Variants in CADM2 observed in about 807,000 individuals in gnomAD.
The protein encoded by CADM2 is immunoglobulin superfamily member 4D.
In CADM2, 12 loss-of-function variants were observed where a neutral mutation model predicts 49.8. The observed-to-expected ratio is 0.24, with a 90% CI of 0.15 to 0.39. CADM2 has a LOEUF of 0.39. Among genes scored for constraint, CADM2 ranks in the 10% least tolerant of loss-of-function variants. CADM2 has a pLI of 1.00. For synonymous variants in CADM2, 214 were observed against 175.4 expected (o/e 1.22, Z -1.74); for missense variants, 378 against 492.3 (o/e 0.77, Z 2.20).
At chr3:85,463,443 T>A (rs1425692888) in intron 1 of CADM2, among the ~76,000 whole-genome samples, 1 of 152,172 alleles carries the variant, frequency 6.6e-6, no homozygotes, top group East Asian at 1.9e-4. Flanking sequence ...TTTTGGTGAT[T>A]CTTGATCAGG....
intron 8 of CADM2, among the ~76,000 whole-genome samples, chr3:86,061,088 C>T (rs1738583522): frequency 6.6e-6 from 1 of 151,870 alleles, no homozygotes; most frequent in South Asian, 2.1e-4. Flanking sequence ...CAGAAAATAA[C>T]ATTAATGCAA....
chr3:85,359,569 A>G (rs2032154921), intron 1 of CADM2, among the ~76,000 whole-genome samples: 1 of 144,926 alleles, frequency 6.9e-6, no homozygotes, highest in Non-Finnish European at 1.5e-5. Context: ...TTCATAACAA[A>G]GCACTCTTTC....
intron 3 of CADM2, among the ~76,000 whole-genome samples, chr3:85,810,576 G>A (rs866843963): frequency 1.8e-4 from 21 of 116,968 alleles, no homozygotes; most frequent in African/African-American, 5.7e-4. Flanking sequence ...GTCTCACTTC[G>A]TCACCCAGGC....
At chr3:86,018,950 C>T (rs1445404935) in intron 8 of CADM2, among the ~76,000 whole-genome samples, 1 of 145,622 alleles carries the variant, frequency 6.9e-6, no homozygotes, top group Middle Eastern at 3.5e-3. Flanking sequence ...GAAGTCCTTG[C>T]CCATGCCTAT....
chr3:85,709,163 A>C (rs1460560288), intron 1 of CADM2, among the ~76,000 whole-genome samples: 1 of 152,128 alleles, frequency 6.6e-6, no homozygotes, highest in Non-Finnish European at 1.5e-5. Flanking sequence ...AATATTTTTC[A>C]ACTTGGCTTT....
At chr3:85,930,867 CTT>C (rs1262586731) in intron 6 of CADM2, among the ~76,000 whole-genome samples, 1 of 150,418 alleles carries the variant, frequency 6.6e-6, no homozygotes, top group East Asian at 1.9e-4. Context: ...AGGTTTGCAA[CTT>C]AAATATTTAA....
At chr3:85,116,890 A>G (rs376656117) in intron 1 of CADM2, among the ~76,000 whole-genome samples, 7 of 152,304 alleles carry the variant, frequency 4.6e-5, no homozygotes, top group East Asian at 3.9e-4. Context: ...TTAGTAGCAA[A>G]TAGCTAAAGA....
intron 1 of CADM2, among the ~76,000 whole-genome samples, chr3:85,466,508 T>C (rs2038497484): frequency 6.6e-6 from 1 of 152,178 alleles, no homozygotes; most frequent in South Asian, 2.1e-4. Context: ...TTTTTGTCCA[T>C]ATCTGGTAGT....
intron 1 of CADM2, among the ~76,000 whole-genome samples, chr3:85,471,559 G>A (rs1341682979): frequency 2.0e-5 from 3 of 151,924 alleles, no homozygotes; most frequent in Non-Finnish European, 4.4e-5. Flanking sequence ...TCATCAGGGT[G>A]CTGGAATTTT....
At chr3:85,729,581 T>C (rs982010155) in intron 2 of CADM2, among the ~76,000 whole-genome samples, 2 of 152,170 alleles carry the variant, frequency 1.3e-5, no homozygotes, top group Non-Finnish European at 2.9e-5. Context: ...AAATTTTGTA[T>C]GTAGATTTAA....
chr3:85,210,805 G>A (rs1042170433), intron 1 of CADM2, among the ~76,000 whole-genome samples: 1 of 152,234 alleles, frequency 6.6e-6, no homozygotes, highest in South Asian at 2.1e-4. Flanking sequence ...GCCTCCTAGA[G>A]TAGAAGATTA....
chr3:85,355,416 G>C (rs920096913), intron 1 of CADM2, among the ~76,000 whole-genome samples: 1 of 152,084 alleles, frequency 6.6e-6, no homozygotes, highest in South Asian at 2.1e-4. Flanking sequence ...CCTTGGCTTA[G>C]AGACTTAGGG....
At chr3:85,882,781 T>G (rs951854798) in intron 3 of CADM2, among the ~76,000 whole-genome samples, 1 of 152,172 alleles carries the variant, frequency 6.6e-6, no homozygotes, top group African/African-American at 2.4e-5. Context: ...AAAAGCCAGA[T>G]AGTTTACAGG....
intron 1 of CADM2, among the ~76,000 whole-genome samples, chr3:85,031,265 C>G (rs1347390648): frequency 6.6e-6 from 1 of 152,192 alleles, no homozygotes; most frequent in African/African-American, 2.4e-5. Context: ...AGTCAAAAGA[C>G]AAGGGAGCCA....
chr3:85,693,351 C>T (rs555286271), intron 1 of CADM2, among the ~76,000 whole-genome samples: 45 of 151,668 alleles, frequency 3.0e-4, no homozygotes, highest in African/African-American at 9.9e-4. Context: ...GAGGCCGAGG[C>T]AGGCAGATCA....
chr3:86,054,709 T>C (rs1259165396), intron 8 of CADM2, among the ~76,000 whole-genome samples: 2 of 151,444 alleles, frequency 1.3e-5, no homozygotes, highest in African/African-American at 4.9e-5. Context: ...AATCAAGCCA[T>C]GTGTCTTTTT....
At chr3:84,967,958 G>T (rs967690213) in intron 1 of CADM2, among the ~76,000 whole-genome samples, 3 of 151,996 alleles carry the variant, frequency 2.0e-5, no homozygotes, top group Admixed American at 1.3e-4. Flanking sequence ...GCCTGGCAAA[G>T]CTGCCTAAAT....
At chr3:85,733,528 A>G (rs1340330698) in intron 2 of CADM2, among the ~76,000 whole-genome samples, 1 of 152,164 alleles carries the variant, frequency 6.6e-6, no homozygotes, top group Non-Finnish European at 1.5e-5. Flanking sequence ...AGAGTGTTAT[A>G]TATTCCATTT....
At chr3:85,394,592 A>G (rs190420800) in intron 1 of CADM2, among the ~76,000 whole-genome samples, 2 of 152,328 alleles carry the variant, frequency 1.3e-5, no homozygotes, top group African/African-American at 4.8e-5. Flanking sequence ...TTGTGACTCA[A>G]TGTTAAATAA....
Sources: allele counts gnomAD v4.1 joint callset (sites outside exome capture counted in the v4.1 genomes callset), GRCh38; gene constraint gnomAD v4.1.1; transcripts MANE v1.5; gene names NCBI Gene and HGNC (gene_info 2026-07-23, HGNC 2026-07-21).